Variants in CAPN8 observed in about 807,000 individuals in gnomAD.
The protein encoded by CAPN8 is calpain-8.
In CAPN8, 87 loss-of-function variants were observed where a neutral mutation model predicts 80.9. That is an observed-to-expected ratio of 1.07 (90% CI 0.90 to 1.28). CAPN8 has a LOEUF of 1.28. CAPN8 is among the 50% of genes most tolerant of loss of function. The probability of loss-of-function intolerance (pLI) is 0.00; values close to 1 mark genes in which losing one functional copy is unlikely to be tolerated. For synonymous variants in CAPN8, 299 were observed against 273.8 expected (o/e 1.09, Z -0.91); for missense variants, 757 against 702.0 (o/e 1.08, Z -0.89).
intron 3 of CAPN8, 86 bp from the exon 4 acceptor site, chr1:223,628,228 T>A: frequency 7.1e-7 from 1 of 1,417,842 alleles, no homozygotes; most frequent in Non-Finnish European, 9.4e-7. Context: ...GTGGGGACTC[T>A]GTGCCATCAG....
rs1298293702 is a variant in CAPN8, at chr1:223,665,578, G to C, written c.69C>G (p.Asn23Lys). The C allele has an allele frequency of 1.3e-6, 2 of 1,551,558 alleles. No homozygotes were observed. The highest frequency in any genetic ancestry group is 2.4e-5 in the East Asian group (1 of 40,910). ...AATQGLGSNQNALKYLGQDFK... is the reference protein window; with the variant it reads ...AATQGLGSNQKALKYLGQDFK... ...AATCCTGGCCCAAGTACTTCAAAGC[G>C]TTTTGGTTGGAGCCAAGACCTTGAG... Residue 23 changes from asparagine to lysine, a missense_variant, in exon 1 of 21, where the codon AAC (asparagine) becomes AAG (lysine). Asn to Lys is a moderately conservative substitution (Grantham distance 94). Coordinates refer to ENST00000366872, the MANE Select transcript of CAPN8 (RefSeq NM_001143962.2).
chr1:223,663,613 C>CA (rs1226004346), intron 1 of CAPN8, among the ~76,000 whole-genome samples: 4 of 152,032 alleles, frequency 2.6e-5, no homozygotes, highest in African/African-American at 9.7e-5. Flanking sequence ...AATGGAAGCT[C>CA]AAAAAAACTG....
chr1:223,550,775 T>C (rs993469669), intron 15 of CAPN8, among the ~76,000 whole-genome samples, 185 bp downstream of exon 15: 3 of 152,000 alleles, frequency 2.0e-5, no homozygotes, highest in African/African-American at 4.8e-5. Context: ...CACCCTCGCC[T>C]CCCCGTCTTC....
At chr1:223,627,236 A>T (rs1572242120) in intron 4 of CAPN8, 79 bp from the exon 5 acceptor site, 12 of 1,442,878 alleles carry the variant, frequency 8.3e-6, no homozygotes, top group East Asian at 2.5e-5. Flanking sequence ...GGACAGTGCT[A>T]GGACATACTG....
intron 17 of CAPN8, 54 bp from the exon 18 acceptor site, chr1:223,544,904 G>T: frequency 6.5e-7 from 1 of 1,550,130 alleles, no homozygotes; most frequent in South Asian, 1.2e-5. Context: ...GCCCCTGCCA[G>T]AACCATCTCC....
chr1:223,637,995 A>G (rs1222485352), intron 2 of CAPN8, among the ~76,000 whole-genome samples: 1 of 152,202 alleles, frequency 6.6e-6, no homozygotes, highest in East Asian at 1.9e-4. Flanking sequence ...CGAAATGTTT[A>G]GGGATATCTG....
Position 223,656,668 on chromosome 1 carries a change from G to GTTTTTTT in CAPN8, c.238-2276_238-2270dup, listed in dbSNP as rs1331913444. On this transcript the variant is annotated intron_variant, in intron 1 of 20. Coordinates refer to ENST00000366872, the MANE Select transcript of CAPN8 (RefSeq NM_001143962.2). The stretch of plus-strand genomic sequence containing the variant: ...ATTTATGTACATACACACGTTTTGG[G>GTTTTTTT]TTTTTTTGTTTTGTTTTTTTTTTTT... Among the ~76,000 whole-genome samples the GTTTTTTT allele has an allele frequency of 9.4e-4, 89 of 94,786 alleles. 8 individuals are homozygous for GTTTTTTT. The highest frequency in any genetic ancestry group is 6.8e-3 in the Middle Eastern group (1 of 146). The allele number at this position is 94,786 out of a possible 152,430, so 62.2% of individuals were successfully genotyped here.
At chr1:223,555,626 T>C (rs1179691813) in intron 13 of CAPN8, among the ~76,000 whole-genome samples, 4 of 152,164 alleles carry the variant, frequency 2.6e-5, no homozygotes, top group African/African-American at 4.8e-5. Context: ...TGGAGTAATA[T>C]TCTCCATGTC....
chr1:223,626,752 C>T (rs888203178), intron 5 of CAPN8, among the ~76,000 whole-genome samples: 28 of 152,146 alleles, frequency 1.8e-4, no homozygotes, highest in Admixed American at 3.3e-4. Flanking sequence ...GCTCTAACAA[C>T]GAGAGGGAAA....
chr1:223,616,126 G>C lies in CAPN8; in HGVS notation c.1155C>G (p.Pro385=), dbSNP rs1483575697. ...QNYPATYWTN[P]QFKIRLDEVD... is the part of the protein sequence containing the mutation. ...CTTCATCCAAACGGATTTTGAACTG[G>C]GGATTGGTCCAGTACGTGGCTGGAA... The change falls in exon 10 of 21, where the codon CCC becomes CCG. Residue 385 remains proline (P), a synonymous_variant. Transcript: ENST00000366872. 1 of 1,551,592 alleles carries C rather than the reference G, an allele frequency of 6.4e-7. No homozygotes were observed. The highest frequency in any genetic ancestry group is 2.0e-5 in the Admixed American group (1 of 51,018).
At chr1:223,658,258 T>C (rs570826320) in intron 1 of CAPN8, among the ~76,000 whole-genome samples, 1 of 152,372 alleles carries the variant, frequency 6.6e-6, no homozygotes, top group Non-Finnish European at 1.5e-5. Context: ...TCATATCTAA[T>C]AGGCCTCCCA....
At position 223,542,997 on chromosome 1, in the gene CAPN8, T is replaced by C. The variant is rs541253082; in HGVS notation, c.2088+111A>G. On this transcript the variant is annotated intron_variant, in intron 20 of 20. Transcript: ENST00000366872. ...TGCCTGCCACAGAACATGCATGGTA[T>C]TCACATGGAACTAAGACAGCCAACA... 33 of 1,209,392 alleles carry C rather than the reference T, an allele frequency of 2.7e-5. No homozygotes were observed. The African/African-American group carries it at 3.6e-4, about 13-fold the overall frequency. The allele number at this position is 1,209,392 out of a possible 1,614,324, so 74.9% of individuals were successfully genotyped here.
chr1:223,652,634 C>G (rs140447696), intron 2 of CAPN8, among the ~76,000 whole-genome samples: 162 of 152,240 alleles, frequency 1.1e-3, no homozygotes, highest in African/African-American at 3.6e-3. Context: ...CCTGGCTCCC[C>G]ACCCTGACGC....
Position 223,644,022 on chromosome 1 carries a change from C to T in CAPN8, c.307+10308G>A, listed in dbSNP as rs1658117416. ...TGTAATAACATAAGGGTAATCAAAA[C>T]AATATGAATAAATGTTCGTATTGGA... On this transcript the variant is annotated intron_variant, in intron 2 of 20. Transcript: ENST00000366872. 1.5e-5 allele frequency: 3 copies of T among 198,496 alleles called. No individual in the cohort carries two copies. In the South Asian group the frequency reaches 2.6e-4, roughly 17 times the overall value. 12.3% of individuals were successfully genotyped at this position (198,496 alleles called of 1,614,324 possible).
At chr1:223,638,913 G>A (rs2102723187) in intron 2 of CAPN8, among the ~76,000 whole-genome samples, 1 of 152,304 alleles carries the variant, frequency 6.6e-6, no homozygotes, top group South Asian at 2.1e-4. Flanking sequence ...TCTGGAAGTT[G>A]CCCACAATAA....
At chr1:223,642,680 TACC>T in intron 2 of CAPN8, 1 of 401,074 alleles carries the variant, frequency 2.5e-6, no homozygotes, top group South Asian at 1.9e-5. Flanking sequence ...ATTTTTGCCT[TACC>T]TTCTAAGTTT....
At chr1:223,632,055 G>A (rs1657788856) in intron 2 of CAPN8, among the ~76,000 whole-genome samples, 1 of 152,100 alleles carries the variant, frequency 6.6e-6, no homozygotes, top group African/African-American at 2.4e-5. Context: ...CAAATGAGGT[G>A]GCCCAGCTGG....
chr1:223,609,629 G>C (rs1386159494), intron 11 of CAPN8, among the ~76,000 whole-genome samples: 1 of 152,156 alleles, frequency 6.6e-6, no homozygotes, highest in Non-Finnish European at 1.5e-5. Flanking sequence ...AACGAAGGTT[G>C]AGGGACAGGG....
At chr1:223,620,080 T>C (rs1240550570) in intron 8 of CAPN8, 112 bp downstream of exon 8, 5 of 866,906 alleles carry the variant, frequency 5.8e-6, no homozygotes, top group African/African-American at 1.7e-5. Flanking sequence ...GAATTCACCA[T>C]GATCAGGAAC....
Sources: gnomAD v4.1 joint callset for allele counts (sites outside exome capture counted in the v4.1 genomes callset) on GRCh38, gnomAD v4.1.1 for gene constraint, MANE v1.5 for transcripts, NCBI Gene and HGNC (gene_info 2026-07-23, HGNC 2026-07-21) for gene names.